The following CREB3L2 variants were observed in gnomAD, a reference collection of about 807,000 sequenced individuals.
CREB3L2 encodes cAMP responsive element binding protein 3 like 2, also known as cyclic AMP-responsive element-binding protein 3-like protein 2.
In CREB3L2, 23 loss-of-function variants were observed where a neutral mutation model predicts 57.2. That is an observed-to-expected ratio of 0.40 (90% CI 0.29 to 0.57). The LOEUF (loss-of-function observed/expected upper bound fraction) is 0.57. CREB3L2 is among the 20% of genes least tolerant of loss of function. The pLI, the probability that CREB3L2 is intolerant of heterozygous loss-of-function variation, is 0.42. For synonymous variants in CREB3L2, 268 were observed against 265.1 expected (o/e 1.01, Z -0.11); for missense variants, 628 against 634.7 (o/e 0.99, Z 0.11).
intron 1 of CREB3L2, among the ~76,000 whole-genome samples, chr7:137,960,818 T>TC (rs1801307069): frequency 7.2e-6 from 1 of 138,410 alleles, no homozygotes; most frequent in African/African-American, 2.7e-5. Flanking sequence ...TCTTTTTTTT[T>TC]TTTTTTTTTT....
At chr7:137,955,363 G>A (rs538405328) in intron 1 of CREB3L2, 23 of 1,225,164 alleles carry the variant, frequency 1.9e-5, no homozygotes, top group South Asian at 5.0e-5. Context: ...GGGGGAGGGC[G>A]AAGATGGCAG....
intron 1 of CREB3L2, among the ~76,000 whole-genome samples, chr7:137,967,939 C>T (rs903290658): frequency 2.6e-5 from 4 of 152,204 alleles, no homozygotes; most frequent in Non-Finnish European, 4.4e-5. Context: ...TGCTTTAATA[C>T]GCATTATCCC....
chr7:137,889,225 C>T (rs1292670887), intron 8 of CREB3L2, among the ~76,000 whole-genome samples: 1 of 152,142 alleles, frequency 6.6e-6, no homozygotes, highest in Non-Finnish European at 1.5e-5. Context: ...AACAGACTTT[C>T]AGCAGGCCAG....
At chr7:137,993,156 C>T (rs1020208653) in intron 1 of CREB3L2, among the ~76,000 whole-genome samples, 5 of 152,194 alleles carry the variant, frequency 3.3e-5, no homozygotes, top group Admixed American at 6.5e-5. Flanking sequence ...GTTGGGACAC[C>T]TTGTTCTCAA....
chr7:137,993,953 C>T (rs1394608193), intron 1 of CREB3L2, among the ~76,000 whole-genome samples: 2 of 152,198 alleles, frequency 1.3e-5, no homozygotes, highest in African/African-American at 2.4e-5. Context: ...ATAACCTATA[C>T]AATTTGATTC....
intron 1 of CREB3L2, among the ~76,000 whole-genome samples, chr7:137,929,877 TAAATA>T (rs1384249674): frequency 6.7e-6 from 1 of 149,388 alleles, no homozygotes; most frequent in Non-Finnish European, 1.5e-5. Context: ...TCAAAATAAA[TAAATA>T]AATTAATTAA....
At chr7:137,936,325 T>C (rs1800784342) in intron 1 of CREB3L2, among the ~76,000 whole-genome samples, 1 of 152,212 alleles carries the variant, frequency 6.6e-6, no homozygotes, top group Non-Finnish European at 1.5e-5. Flanking sequence ...GTGCACAGGC[T>C]AACAGAAGAG....
Position 137,925,050 on chromosome 7 carries a change from G to A in CREB3L2, c.319+3100C>T, listed in dbSNP as rs371291567. ...CACAGTTCATCTGAAGTCTGTGATA[G>A]AATGATAGGATAAGAACATCTGTGT... On this transcript the variant is annotated intron_variant, in intron 2 of 11. Transcript: ENST00000330387. Among the ~76,000 whole-genome samples the A allele has an allele frequency of 1.3e-3, 203 of 152,302 alleles. No individual in the cohort carries two copies. The Middle Eastern group carries it at 0.027, about 20-fold the overall frequency.
intron 1 of CREB3L2, among the ~76,000 whole-genome samples, chr7:137,939,695 G>A (rs59911312): frequency 0.5 from 75,900 of 151,630 alleles, 20,940 homozygotes; most frequent in East Asian, 0.81. Context: ...TTCTGTTCTT[G>A]TCATCCATAG....
rs527882067 is a variant in CREB3L2, at chr7:137,894,682, G to A, written c.1043+6672C>T. ...GCTAGGGTGAGAGCTCCAGATGGAT[G>A]CATCCCCTTGGTCCTGCCAACTACA... On this transcript the variant is annotated intron_variant, in intron 8 of 11. Coordinates refer to ENST00000330387, the MANE Select transcript of CREB3L2 (RefSeq NM_194071.4). 4.3e-4 allele frequency among the ~76,000 whole-genome samples: 65 copies of A among 152,292 alleles called. No individual in the cohort carries two copies. In the South Asian group the frequency reaches 9.7e-3, roughly 23 times the overall value.
intron 7 of CREB3L2, among the ~76,000 whole-genome samples, chr7:137,903,616 T>G (rs1799815907): frequency 6.6e-6 from 1 of 152,158 alleles, no homozygotes; most frequent in Admixed American, 6.5e-5. Flanking sequence ...GTAGCACTGC[T>G]CCTTTCAGCT....
At chr7:137,955,353 G>A (rs1249689026) in intron 1 of CREB3L2, 6 of 1,278,230 alleles carry the variant, frequency 4.7e-6, no homozygotes, top group African/African-American at 4.6e-5. Flanking sequence ...ACCACAGGAT[G>A]GGGGAGGGCG....
chr7:137,956,529 GC>G (rs1187437579), intron 1 of CREB3L2: 2 of 936,020 alleles, frequency 2.1e-6, no homozygotes, highest in Non-Finnish European at 3.0e-6. Context: ...AAGCTCCTAA[GC>G]CCACCTGAGC....
Position 137,972,708 on chromosome 7 carries a change from A to ACAACAACAAC in CREB3L2, c.102+28895_102+28896insGTTGTTGTTG, listed in dbSNP as rs1554503522. The stretch of plus-strand genomic sequence containing the variant: ...ACAAAAAAAAAAAAAAAAAAAAAAA[A>ACAACAACAAC]AAAAATATATATATATATATATATA... On this transcript the variant is annotated intron_variant, in intron 1 of 11. Transcript: ENST00000330387. 5.8e-4 allele frequency among the ~76,000 whole-genome samples: 25 copies of ACAACAACAAC among 42,828 alleles called. No homozygotes were observed. In the Admixed American group the frequency reaches 8.5e-3, roughly 14 times the overall value. 28.1% of individuals were successfully genotyped at this position (42,828 alleles called of 152,430 possible). A position where few individuals can be genotyped will look rare whatever the true frequency, so the allele number is the denominator to read the frequency against.
At chr7:137,912,375 C>CAAA (rs1323783918) in intron 4 of CREB3L2, among the ~76,000 whole-genome samples, 30 of 69,794 alleles carry the variant, frequency 4.3e-4, no homozygotes, top group Admixed American at 3.0e-3. Context: ...GACTCTGTCT[C>CAAA]AAAAAAAAAA....
chr7:137,960,258 T>A (rs1801295869), intron 1 of CREB3L2, among the ~76,000 whole-genome samples: 1 of 152,224 alleles, frequency 6.6e-6, no homozygotes, highest in South Asian at 2.1e-4. Context: ...TCTGGTTACA[T>A]AGCTCATGAA....
chr7:137,894,641 G>C (rs950623432), intron 8 of CREB3L2, among the ~76,000 whole-genome samples: 1 of 152,040 alleles, frequency 6.6e-6, no homozygotes, highest in Non-Finnish European at 1.5e-5. Context: ...CTAGGTACTG[G>C]AGTAAGTTCT....
At chr7:137,953,397 CCA>C (rs1801140245) in intron 1 of CREB3L2, 4 of 1,083,688 alleles carry the variant, frequency 3.7e-6, no homozygotes, top group Non-Finnish European at 5.0e-6. Context: ...TGCACCCACT[CCA>C]GTCTAGCTGA....
chr7:137,920,961 G>A (rs1330494544), intron 2 of CREB3L2, among the ~76,000 whole-genome samples: 2 of 152,202 alleles, frequency 1.3e-5, no homozygotes, highest in African/African-American at 4.8e-5. Flanking sequence ...AGAGGAGAAG[G>A]AGCAGAATAT....
Sources: gnomAD v4.1 joint callset for allele counts (sites outside exome capture counted in the v4.1 genomes callset) on GRCh38, gnomAD v4.1.1 for gene constraint, MANE v1.5 for transcripts, NCBI Gene and HGNC (gene_info 2026-07-23, HGNC 2026-07-21) for gene names.